The following NES variants were observed in gnomAD, a reference collection of about 807,000 sequenced individuals.
NES encodes the protein nestin.
NES carries 27 observed loss-of-function variants against 35.6 expected under a neutral mutation model. The ratio of observed to expected loss-of-function variants is 0.76; its 90% CI spans 0.56 to 1.04. The LOEUF (loss-of-function observed/expected upper bound fraction) is 1.04. Among genes scored for constraint, NES ranks in the 50% least tolerant of loss-of-function variants. The probability of loss-of-function intolerance (pLI) is 0.00; values close to 1 mark genes in which losing one functional copy is unlikely to be tolerated. For synonymous variants in NES, 822 were observed against 824.2 expected (o/e 1.00, Z 0.04); for missense variants, 1,867 against 1,983.6 (o/e 0.94, Z 1.12).
Position 156,670,037 on chromosome 1 carries a change from C to G in NES, c.4151G>C (p.Gly1384Ala), listed in dbSNP as rs547004972. 2 of 1,614,032 alleles carry G rather than the reference C, an allele frequency of 1.2e-6. No homozygotes were observed. The highest frequency in any genetic ancestry group is 2.2e-5 in the South Asian group (2 of 91,080). The change falls in exon 4 of 4, where the codon GGG becomes GCG. Residue 1384 changes from glycine (G) to alanine (A), a missense_variant. By Grantham distance (60) the Gly-to-Ala change is moderately conservative. Transcript: ENST00000368223. The stretch of plus-strand genomic sequence containing the variant: ...CTGGCCCAGAGGTTCTGCCACCTCC[C>G]CAGGGACCCCAGGAAGAAAAGGTGC... The part of the protein sequence containing the change: ...TEAPFLPGVP[G>A]EVAEPLGQVP...
In NES at chr1:156,672,357, C is replaced by T; in HGVS notation, c.1831G>A (p.Val611Ile). The change falls in exon 4 of 4, where the codon GTA becomes ATA. Residue 611 changes from valine to isoleucine, a missense_variant. Val to Ile is a conservative substitution (Grantham distance 29). Coordinates refer to ENST00000368223, the MANE Select transcript of NES (RefSeq NM_006617.2). Reference protein sequence around the residue: ...EVVRPLEKEAVGQLKPTGKED... With the variant: ...EVVRPLEKEAIGQLKPTGKED... Reference sequence around the variant, plus strand: ...TTTCCTGTAGGCTTAAGTTGGCCTACAGCCTCTTTTTCTAGAGGTCTCACT... The same window carrying T: ...TTTCCTGTAGGCTTAAGTTGGCCTATAGCCTCTTTTTCTAGAGGTCTCACT... 1 of 1,613,104 alleles carries T rather than the reference C, an allele frequency of 6.2e-7. No individual in the cohort carries two copies. The highest frequency in any genetic ancestry group is 1.1e-5 in the South Asian group (1 of 90,998).
At position 156,677,108 on chromosome 1, in the gene NES, G is replaced by A; in HGVS notation, c.157C>T (p.Arg53Trp). The A allele has an allele frequency of 6.2e-7, 1 of 1,605,238 alleles. No individual in the cohort carries two copies. The highest frequency in any genetic ancestry group is 1.1e-5 in the South Asian group (1 of 89,976). ...LRAQSADTSW[R>W]AHADDELAAL... ...GCCAGCTCGTCGTCGGCATGCGCCCGCCAGGAGGTGTCCGCGGATTGTGCC... is the reference window on the plus strand; with the variant it reads ...GCCAGCTCGTCGTCGGCATGCGCCCACCAGGAGGTGTCCGCGGATTGTGCC... Residue 53 changes from arginine to tryptophan, a missense_variant, in exon 1 of 4, where the codon CGG becomes TGG. Coordinates refer to ENST00000368223, the MANE Select transcript of NES (RefSeq NM_006617.2). This position sits in a 1 kb window ranked among gnomAD's most constrained non-coding sequence, Gnocchi z 4.5.
chr1:156,676,787 G>A lies in NES; in HGVS notation c.478C>T (p.Arg160Cys). The change falls in exon 1 of 4, where the codon CGC becomes TGC. Residue 160 changes from arginine (R) to cysteine (C), a missense_variant. Physicochemically the swap from Arg to Cys is radical, Grantham distance 180. Transcript: ENST00000368223. This position sits in a 1 kb window ranked among gnomAD's most constrained non-coding sequence, Gnocchi z 5.3. ...GGCCCGCGGGGCGGCGCGGGGCAGC[G>A]GGGGGCACAGGCAGCCTGCGCGTTC... The part of the protein sequence containing the change: ...GLNAQAACAP[R>C]CPAPPRGPPA... The A allele has an allele frequency of 7.2e-7, 1 of 1,389,992 alleles. No homozygotes were observed. Among genetic ancestry groups the A allele is most frequent in the Non-Finnish European group, 9.2e-7 (1 of 1,083,440 alleles). The allele number at this position is 1,389,992 out of a possible 1,614,324, so 86.1% of individuals were successfully genotyped here.
At chr1:156,675,183 T>G in intron 2 of NES, 33 bp downstream of exon 2, 1 of 1,604,986 alleles carries the variant, frequency 6.2e-7, no homozygotes, top group Non-Finnish European at 8.5e-7. Context: ...TGTGTGCCTC[T>G]GTGTGCCTGG....
At position 156,671,184 on chromosome 1, in the gene NES, C is replaced by A; in HGVS notation, c.3004G>T (p.Ala1002Ser). 3 of 1,614,122 alleles carry A rather than the reference C, an allele frequency of 1.9e-6. No individual in the cohort carries two copies. Among genetic ancestry groups the A allele is most frequent in the Non-Finnish European group, 2.5e-6 (3 of 1,180,042 alleles). Reference protein sequence around the residue: ...EEVVEQGELNATEEVWIPGEG... With the variant: ...EEVVEQGELNSTEEVWIPGEG... ...CCTGGGATCCAGACCTCCTCTGTGG[C>A]ATTCAGCTCTCCCTGCTCTACCACC... The change falls in exon 4 of 4, where the codon GCC (alanine) becomes TCC (serine). Residue 1002 changes from alanine (A) to serine (S), a missense_variant. By Grantham distance (99) the Ala-to-Ser change is moderately conservative (BLOSUM62 1). Coordinates refer to ENST00000368223, the MANE Select transcript of NES (RefSeq NM_006617.2).
chr1:156,673,501 C>T lies in NES; in HGVS notation c.935G>A (p.Arg312Gln), dbSNP rs775355386. 1.8e-5 allele frequency: 29 copies of T among 1,612,588 alleles called. No homozygotes were observed. Among genetic ancestry groups the T allele is most frequent in the African/African-American group, 4.0e-5 (3 of 74,882 alleles). Reference sequence around the variant, plus strand: ...GGAGCCACCGCCAGGTGTTTGCAGCCGGGAGTTCTCAGCCTCCAGGAGGGT... The same window carrying T: ...GGAGCCACCGCCAGGTGTTTGCAGCTGGGAGTTCTCAGCCTCCAGGAGGGT... ...YRTLLEAENS[R>Q]LQTPGGGSKT... is the part of the protein sequence containing the mutation. The change falls in exon 3 of 4, where the codon CGG becomes CAG. Residue 312 changes from arginine to glutamine, a missense_variant. Arg to Gln is a conservative substitution (Grantham distance 43). Coordinates refer to ENST00000368223, the MANE Select transcript of NES (RefSeq NM_006617.2).
chr1:156,674,694 G>A (rs28404587), intron 2 of NES, among the ~76,000 whole-genome samples: 2,295 of 152,328 alleles, frequency 0.015, 64 homozygotes, highest in African/African-American at 0.053. Flanking sequence ...AGGGCACTAG[G>A]GGCATCAGAG....
chr1:156,676,579 T>A lies in NES; in HGVS notation c.686A>T (p.Gln229Leu). ...CTCCAGGAGGCCTCCGCGCTCAGCCTGGAGCTGCTGCAGCTCCAGGCGGCC... is the reference window on the plus strand; with the variant it reads ...CTCCAGGAGGCCTCCGCGCTCAGCCAGGAGCTGCTGCAGCTCCAGGCGGCC... ...REGRLELQQL[Q>L]AERGGLLERR... Residue 229 changes from glutamine (Q) to leucine (L), a missense_variant, in exon 1 of 4, where the codon CAG becomes CTG. Coordinates refer to ENST00000368223, the MANE Select transcript of NES (RefSeq NM_006617.2). This position sits in a 1 kb window ranked among gnomAD's most constrained non-coding sequence, Gnocchi z 5.3. The A allele has an allele frequency of 6.3e-7, 1 of 1,584,386 alleles. No homozygotes were observed. Among genetic ancestry groups the A allele is most frequent in the Non-Finnish European group, 8.5e-7 (1 of 1,173,038 alleles).
Position 156,670,442 on chromosome 1 carries a change from AC to A in NES, c.3745del (p.Val1249CysfsTer11). 4 of 1,559,294 alleles carry A rather than the reference AC, an allele frequency of 2.6e-6. No homozygotes were observed. Among genetic ancestry groups the A allele is most frequent in the Non-Finnish European group, 2.6e-6 (3 of 1,152,424 alleles). On this transcript the variant is annotated frameshift_variant, in exon 4 of 4. Transcript: ENST00000368223. LOFTEE classifies it low-confidence loss of function (END_TRUNC). Reference sequence around the variant, plus strand: ...CCCCAGGGCTTCAGCCCTCCCCTGCACCCCCCAGCTAGCCTCCTGACTCCCT... The same window carrying A: ...CCCCAGGGCTTCAGCCCTCCCCTGCACCCCCAGCTAGCCTCCTGACTCCCT... Reference protein sequence around the residue: ...AEGSQEASWGVQGRAEALGKV... With the variant: ...AEGSQEASWGXQGRAEALGKV...
Position 156,676,833 on chromosome 1 carries a change from G to A in NES, c.432C>T (p.His144=), listed in dbSNP as rs1216219471. The A allele has an allele frequency of 1.4e-5, 20 of 1,452,890 alleles. No homozygotes were observed. Among genetic ancestry groups the A allele is most frequent in the Non-Finnish European group, 1.6e-5 (18 of 1,116,404 alleles). 90.0% of individuals were successfully genotyped at this position (1,452,890 alleles called of 1,614,324 possible). ...ERELEALRVA[H]EEERVGLNAQ... ...CGTTCAGGCCGACGCGCTCCTCCTC[G>A]TGCGCCACGCGTAGAGCCTCTAGCT... The change falls in exon 1 of 4, where the codon CAC becomes CAT. Residue 144 remains histidine (H), a synonymous_variant. Coordinates refer to ENST00000368223, the MANE Select transcript of NES (RefSeq NM_006617.2). The surrounding 1 kb of genome is among the most constrained non-coding windows in gnomAD (Gnocchi z 5.3).
Position 156,672,522 on chromosome 1 carries a change from A to T in NES, c.1666T>A (p.Ser556Thr), listed in dbSNP as rs374345735. 5.6e-6 allele frequency: 9 copies of T among 1,612,866 alleles called. No homozygotes were observed. The African/African-American group carries it at 9.4e-5, about 17-fold the overall frequency. ...CTCTGGTTTTCCAGAGTCTTCAGTG[A>T]CTCTTGAATCTCCTCTCCCAGAGAC... ...LKSLGEEIQE[S>T]LKTLENQSHE... The change falls in exon 4 of 4, where the codon TCA becomes ACA. Residue 556 changes from serine to threonine, a missense_variant. Coordinates refer to ENST00000368223, the MANE Select transcript of NES (RefSeq NM_006617.2).
Position 156,670,923 on chromosome 1 carries a change from C to A in NES, c.3265G>T (p.Ala1089Ser). 6.7e-7 allele frequency: 1 copy of A among 1,503,550 alleles called. No individual in the cohort carries two copies. Among genetic ancestry groups the A allele is most frequent in the Non-Finnish European group, 9.0e-7 (1 of 1,113,110 alleles). The allele number at this position is 1,503,550 out of a possible 1,614,324, so 93.1% of individuals were successfully genotyped here. ...GCTCCCGCAGCAGACTCACCCATGG[C>A]AGGCTCTGACCCCAACATGACCTCT... ...SPEVMLGSEP[A>S]MGESAAGAEP... The change falls in exon 4 of 4, where the codon GCC (alanine) becomes TCC (serine). Residue 1089 changes from alanine to serine, a missense_variant. Transcript: ENST00000368223.
rs6683168 is a variant in NES at position 156,669,056 on chromosome 1, G to A, written c.*266C>T. ...GGAGGGAAGGGGACCTAGTACTATC[G>A]GGATTCAGCTGACTTAGCCTATGAG... On this transcript the variant is annotated 3_prime_UTR_variant, in exon 4 of 4. Transcript: ENST00000368223. The A allele has an allele frequency of 3.5e-3, 1,229 of 352,212 alleles. 2 individuals carry two copies. The highest frequency in any genetic ancestry group is 0.01 in the African/African-American group (481 of 48,042). 21.8% of individuals were successfully genotyped at this position (352,212 alleles called of 1,614,324 possible).
Position 156,670,722 on chromosome 1 carries a change from C to T in NES, c.3466G>A (p.Glu1156Lys), listed in dbSNP as rs529267878. The stretch of plus-strand genomic sequence containing the variant: ...GGGTCTCTGCTCTTCCCAGGCAGCT[C>T]GGAGAACTCTGTCCCCAGACCACCT... ...EAGGLGTEFS[E>K]LPGKSRDPWE... Residue 1156 changes from glutamate (E) to lysine (K), a missense_variant, in exon 4 of 4, where the codon GAG becomes AAG. Coordinates refer to ENST00000368223, the MANE Select transcript of NES (RefSeq NM_006617.2). 1.4e-5 allele frequency: 22 copies of T among 1,614,022 alleles called. No homozygotes were observed. The South Asian group carries it at 1.5e-4, about 11-fold the overall frequency.
Position 156,670,734 on chromosome 1 carries a change from T to A in NES, c.3454A>T (p.Thr1152Ser). The change falls in exon 4 of 4, where the codon ACA (threonine) becomes TCA (serine). Residue 1152 changes from threonine to serine, a missense_variant. Physicochemically the swap from Thr to Ser is moderately conservative, Grantham distance 58. Transcript: ENST00000368223. Reference protein sequence around the residue: ...KDLEEAGGLGTEFSELPGKSR... With the variant: ...KDLEEAGGLGSEFSELPGKSR... Reference sequence around the variant, plus strand: ...TTCCCAGGCAGCTCGGAGAACTCTGTCCCCAGACCACCTGCCTCCTCTAGG... The same window carrying A: ...TTCCCAGGCAGCTCGGAGAACTCTGACCCCAGACCACCTGCCTCCTCTAGG... The A allele has an allele frequency of 2.5e-6, 4 of 1,613,994 alleles. No homozygotes were observed. Among genetic ancestry groups the A allele is most frequent in the Non-Finnish European group, 3.4e-6 (4 of 1,179,946 alleles).
Position 156,670,843 on chromosome 1 carries a change from G to A in NES, c.3345C>T (p.Thr1115=). The A allele has an allele frequency of 1.2e-6, 2 of 1,612,416 alleles. No homozygotes were observed. The highest frequency in any genetic ancestry group is 1.7e-6 in the Non-Finnish European group (2 of 1,179,006). Residue 1115 remains threonine (T), a synonymous_variant, in exon 4 of 4, where the codon ACC becomes ACT. Transcript: ENST00000368223. ...VGGLGDPGHL[T]REEVMEPPLE... ...GGGGTGGTTCCATCACCTCTTCCCT[G>A]GTCAGATGGCCTGGGTCCCCCAGCC...
chr1:156,676,790 G>T lies in NES; in HGVS notation c.475C>A (p.Pro159Thr). 1.4e-6 allele frequency: 2 copies of T among 1,395,272 alleles called. No individual in the cohort carries two copies. Among genetic ancestry groups the T allele is most frequent in the Middle Eastern group, 2.5e-4 (1 of 3,970 alleles). The allele number at this position is 1,395,272 out of a possible 1,614,324, so 86.4% of individuals were successfully genotyped here. ...CCGCGGGGCGGCGCGGGGCAGCGGG[G>T]GGCACAGGCAGCCTGCGCGTTCAGG... The part of the protein sequence containing the change: ...VGLNAQAACA[P>T]RCPAPPRGPP... Residue 159 changes from proline (P) to threonine (T), a missense_variant, in exon 1 of 4, where the codon CCC becomes ACC. By Grantham distance (38) the Pro-to-Thr change is conservative (BLOSUM62 -1). Transcript: ENST00000368223. This position sits in a 1 kb window ranked among gnomAD's most constrained non-coding sequence, Gnocchi z 5.3.
rs781229243 is a variant in NES, at chr1:156,671,683, C to T, written c.2505G>A (p.Glu835=). ...CTGGAGATTTCAGTGTTTCCAGGTTCTCTTGTCCCGCAGACTTCAGTGATT... is the reference window on the plus strand; with the variant it reads ...CTGGAGATTTCAGTGTTTCCAGGTTTTCTTGTCCCGCAGACTTCAGTGATT... ...ILESLKSAGQ[E]NLETLKSPET... is the part of the protein sequence containing the mutation. Residue 835 remains glutamate, a synonymous_variant, in exon 4 of 4, where the codon GAG becomes GAA. Coordinates refer to ENST00000368223, the MANE Select transcript of NES (RefSeq NM_006617.2). 1 of 1,613,762 alleles carries T rather than the reference C, an allele frequency of 6.2e-7. No individual in the cohort carries two copies.
intron 1 of NES, among the ~76,000 whole-genome samples, chr1:156,675,793 T>G (rs1333700849): frequency 1.3e-5 from 2 of 151,968 alleles, no homozygotes; most frequent in African/African-American, 4.8e-5. Flanking sequence ...CTCCCACAAC[T>G]GTCTCCTGCT....
Sources: gnomAD v4.1 joint callset for allele counts (sites outside exome capture counted in the v4.1 genomes callset) on GRCh38, gnomAD v4.1.1 for gene constraint, Gnocchi (gnomAD v3.1) non-coding constraint, MANE v1.5 for transcripts, NCBI Gene and HGNC (gene_info 2026-07-23, HGNC 2026-07-21) for gene names.